TOX3: variants seen among roughly 807,000 people sequenced by gnomAD.
TOX3 encodes TOX high mobility group box family member 3.
TOX3 carries 22 observed loss-of-function variants against 64.3 expected under a neutral mutation model. The observed-to-expected ratio is 0.34, with a 90% CI of 0.24 to 0.49. The LOEUF is 0.49. Among genes scored for constraint, TOX3 ranks in the 20% least tolerant of loss-of-function variants. TOX3 has a pLI of 0.99. For missense variants in TOX3, 661 were observed against 714.4 expected (o/e 0.93, Z 0.85); for synonymous variants, 291 against 273.6 (o/e 1.06, Z -0.63).
chr16:52,460,530 T>C (rs781576081), intron 3 of TOX3, among the ~76,000 whole-genome samples: 1 of 152,122 alleles, frequency 6.6e-6, no homozygotes, highest in Non-Finnish European at 1.5e-5. Context: ...AGGAAAGAAA[T>C]AAAAATAATC....
At chr16:52,474,670 A>C (rs558378026) in intron 1 of TOX3, among the ~76,000 whole-genome samples, 29 of 151,978 alleles carry the variant, frequency 1.9e-4, no homozygotes, top group Admixed American at 9.8e-4. Flanking sequence ...GGAAGAAAGA[A>C]GGGAGGGAGA....
At chr16:52,446,453 A>G (rs1187765410) in intron 4 of TOX3, among the ~76,000 whole-genome samples, 1 of 152,222 alleles carries the variant, frequency 6.6e-6, no homozygotes, top group East Asian at 1.9e-4. Flanking sequence ...CGTTCACAAC[A>G]TATGCTCGAA....
chr16:52,543,982 T>A (rs1235022192), intron 1 of TOX3, among the ~76,000 whole-genome samples: 2 of 152,210 alleles, frequency 1.3e-5, no homozygotes, highest in African/African-American at 4.8e-5. Context: ...AGCGCTAACT[T>A]TCACTTGTTA....
rs1959842168 is a variant in TOX3 at position 52,439,025 on chromosome 16, A to T, written c.*200T>A. 5.0e-6 allele frequency: 4 copies of T among 802,702 alleles called. No individual in the cohort carries two copies. In the Admixed American group the frequency reaches 7.5e-5, roughly 15 times the overall value. 49.7% of individuals were successfully genotyped at this position (802,702 alleles called of 1,614,324 possible). ...CACAGCTTTTCTTGTTTAAAAACAA[A>T]GTGATTTATAGTCAGCTAAAAGATG... On this transcript the variant is annotated 3_prime_UTR_variant, in exon 7 of 7. Coordinates refer to ENST00000219746, the MANE Select transcript of TOX3 (RefSeq NM_001080430.4).
chr16:52,476,622 C>T (rs1303751546), intron 1 of TOX3, among the ~76,000 whole-genome samples: 1 of 151,844 alleles, frequency 6.6e-6, no homozygotes, highest in Non-Finnish European at 1.5e-5. Flanking sequence ...GAATACACAC[C>T]CACAAAAAAA....
intron 1 of TOX3, among the ~76,000 whole-genome samples, chr16:52,492,290 G>T (rs1013478358): frequency 6.9e-6 from 1 of 145,912 alleles, no homozygotes; most frequent in Non-Finnish European, 1.5e-5. Context: ...GGGAGGAAAA[G>T]ATCATCTATA....
intron 1 of TOX3, among the ~76,000 whole-genome samples, chr16:52,498,463 T>G (rs1033342320): frequency 1.3e-5 from 2 of 152,174 alleles, no homozygotes; most frequent in African/African-American, 4.8e-5. Context: ...CCATCACACT[T>G]GCAGCAAACT....
At chr16:52,456,047 C>G (rs1210525157) in intron 3 of TOX3, among the ~76,000 whole-genome samples, 2 of 152,132 alleles carry the variant, frequency 1.3e-5, no homozygotes, top group Non-Finnish European at 2.9e-5. Flanking sequence ...AAATGACAGT[C>G]CAGTGTGACT....
upstream of TOX3, chr16:52,547,363 C>A: frequency 6.7e-6 from 1 of 149,652 alleles, no homozygotes; most frequent in South Asian, 2.0e-4. Context: ...CCCTCTTCTC[C>A]CTACCTCGCC....
chr16:52,439,733 G>A lies in TOX3; in HGVS notation c.1223C>T (p.Pro408Leu). The change falls in exon 7 of 7, where the codon CCC becomes CTC. Residue 408 changes from proline to leucine, a missense_variant. Around this residue, in one of 3 missense-constraint regions of TOX3, gnomAD observed 299 missense variants for 292.1 expected, o/e 1.02. Coordinates refer to ENST00000219746, the MANE Select transcript of TOX3 (RefSeq NM_001080430.4). ...VTSVTIAANM[P>L]SNIGAPLISS... is the part of the protein sequence containing the mutation. ...TATCAGTGGAGCCCCAATGTTCGAGGGCATGTTGGCTGCAATGGTGACTGA... is the reference window on the plus strand; with the variant it reads ...TATCAGTGGAGCCCCAATGTTCGAGAGCATGTTGGCTGCAATGGTGACTGA... 2 of 1,613,960 alleles carry A rather than the reference G, an allele frequency of 1.2e-6. No individual in the cohort carries two copies. The highest frequency in any genetic ancestry group is 1.7e-6 in the Non-Finnish European group (2 of 1,179,882).
chr16:52,494,596 A>G (rs924205542), intron 1 of TOX3, among the ~76,000 whole-genome samples: 2 of 152,100 alleles, frequency 1.3e-5, no homozygotes, highest in Non-Finnish European at 2.9e-5. Context: ...TTGTTAGATT[A>G]CTCTGTGCCC....
At chr16:52,505,595 C>T (rs919587413) in intron 1 of TOX3, among the ~76,000 whole-genome samples, 3 of 152,158 alleles carry the variant, frequency 2.0e-5, no homozygotes, top group Non-Finnish European at 4.4e-5. Flanking sequence ...AGAGAATGGC[C>T]TCATGGATAA....
intron 2 of TOX3, among the ~76,000 whole-genome samples, chr16:52,465,068 G>A (rs1053123425): frequency 7.4e-6 from 1 of 136,020 alleles, no homozygotes; most frequent in Non-Finnish European, 1.5e-5. Context: ...AGGCTGGAGG[G>A]CAGTGGTGCC....
At chr16:52,464,413 T>C (rs1960792552) in intron 2 of TOX3, among the ~76,000 whole-genome samples, 1 of 152,214 alleles carries the variant, frequency 6.6e-6, no homozygotes, top group Non-Finnish European at 1.5e-5. Context: ...TAATGGAGTA[T>C]CAGTATTAAC....
intron 2 of TOX3, among the ~76,000 whole-genome samples, chr16:52,465,002 A>ATTTTTTTT (rs1340719697): frequency 4.9e-5 from 3 of 60,976 alleles, no homozygotes; most frequent in Non-Finnish European, 6.5e-5. Flanking sequence ...GTCTTAATGC[A>ATTTTTTTT]TTCTTTTTTT....
intron 1 of TOX3, among the ~76,000 whole-genome samples, chr16:52,492,494 GAT>G (rs66977521): frequency 0.46 from 60,794 of 131,656 alleles, 14,232 homozygotes; most frequent in East Asian, 0.55. Flanking sequence ...TATAATATAT[GAT>G]ATATATATAA....
At chr16:52,456,199 A>G (rs13333858) in intron 3 of TOX3, among the ~76,000 whole-genome samples, 6,678 of 152,272 alleles carry the variant, frequency 0.044, 220 homozygotes, top group East Asian at 0.14. Flanking sequence ...AGCATGGTAT[A>G]TATCTGGTGG....
chr16:52,500,478 GGC>G (rs994666776), intron 1 of TOX3, among the ~76,000 whole-genome samples: 14 of 152,078 alleles, frequency 9.2e-5, no homozygotes, highest in African/African-American at 3.4e-4. Flanking sequence ...ATTAAAAGGT[GGC>G]CATATTTCCC....
At chr16:52,515,011 CAAAAA>C (rs56746564) in intron 1 of TOX3, among the ~76,000 whole-genome samples, 27 of 15,828 alleles carry the variant, frequency 1.7e-3, no homozygotes, top group African/African-American at 4.7e-3. Flanking sequence ...GACTCCATCT[CAAAAA>C]AAAAAAAAAA....
Sources: gnomAD v4.1 joint callset for allele counts (sites outside exome capture counted in the v4.1 genomes callset) on GRCh38, gnomAD v4.1.1 for gene constraint, gnomAD v4.1.1 regional missense constraint, MANE v1.5 for transcripts, NCBI Gene and HGNC (gene_info 2026-07-23, HGNC 2026-07-21) for gene names.